The following RBPMS variants were observed in gnomAD, a reference collection of about 807,000 sequenced individuals.
RBPMS encodes RNA binding protein, mRNA processing factor.
A neutral mutation model predicts 26.8 loss-of-function variants in RBPMS; 7 were observed. The ratio of observed to expected loss-of-function variants is 0.26; its 90% CI spans 0.15 to 0.49. The LOEUF (loss-of-function observed/expected upper bound fraction) is 0.49, where lower values mean the gene tolerates loss of function less well. Ranked by LOEUF, RBPMS falls within the 20% of genes least tolerant of loss-of-function variation. The pLI is 0.98. For missense variants in RBPMS, 186 were observed against 250.0 expected (o/e 0.74, Z 1.73); for synonymous variants, 96 against 93.3 (o/e 1.03, Z -0.17).
At chr8:30,527,742 T>C (rs1823743797) in intron 5 of RBPMS, among the ~76,000 whole-genome samples, 1 of 151,568 alleles carries the variant, frequency 6.6e-6, no homozygotes, top group African/African-American at 2.4e-5. Context: ...GAAAGAGGAG[T>C]GTCTGTGAGA....
chr8:30,514,534 G>A (rs1822078944), intron 5 of RBPMS, among the ~76,000 whole-genome samples: 1 of 151,834 alleles, frequency 6.6e-6, no homozygotes, highest in Admixed American at 6.6e-5. Context: ...ACAGATTGGT[G>A]GTGATGTTAA....
At chr8:30,416,126 T>C (rs1014932637) in intron 1 of RBPMS, among the ~76,000 whole-genome samples, 1 of 152,178 alleles carries the variant, frequency 6.6e-6, no homozygotes, top group African/African-American at 2.4e-5. Flanking sequence ...GTTCCCTGTT[T>C]CTTCTTGGGT....
intron 7 of RBPMS, among the ~76,000 whole-genome samples, chr8:30,560,847 C>T (rs1043184653): frequency 1.5e-4 from 23 of 152,188 alleles, no homozygotes; most frequent in African/African-American, 5.3e-4. Flanking sequence ...CATATCCTAA[C>T]CTCTTAGCCA....
chr8:30,514,145 C>T (rs981035984), intron 5 of RBPMS, among the ~76,000 whole-genome samples: 1 of 151,954 alleles, frequency 6.6e-6, no homozygotes, highest in Non-Finnish European at 1.5e-5. Flanking sequence ...CATCCTCACT[C>T]CTGCACACTT....
At chr8:30,464,425 C>T (rs994025116) in intron 1 of RBPMS, among the ~76,000 whole-genome samples, 9 of 152,142 alleles carry the variant, frequency 5.9e-5, no homozygotes, top group Non-Finnish European at 1.0e-4. Context: ...CCTCCCCCCA[C>T]CCCAGCTTTC....
At chr8:30,454,823 TGTTTG>T (rs1302188375) in intron 1 of RBPMS, among the ~76,000 whole-genome samples, 2 of 152,192 alleles carry the variant, frequency 1.3e-5, no homozygotes, top group Non-Finnish European at 2.9e-5. Context: ...TCTTTTTGTT[TGTTTG>T]GTTTGTTTTT....
intron 5 of RBPMS, among the ~76,000 whole-genome samples, chr8:30,516,868 C>T (rs73245326): frequency 0.24 from 36,543 of 150,720 alleles, 4,774 homozygotes; most frequent in East Asian, 0.39. Flanking sequence ...CACTGCACTC[C>T]AGCCTGGCCA....
intron 4 of RBPMS, among the ~76,000 whole-genome samples, chr8:30,481,305 GTT>G (rs1818245051): frequency 6.6e-6 from 1 of 151,336 alleles, no homozygotes; most frequent in Non-Finnish European, 1.5e-5. Flanking sequence ...TTGTTTTAAT[GTT>G]TAAATGATAA....
At chr8:30,555,891 C>G in intron 6 of RBPMS, 1 of 985,416 alleles carries the variant, frequency 1.0e-6, no homozygotes, top group Non-Finnish European at 1.2e-6. Context: ...CAGTGATTAG[C>G]GCGGAGCAGC....
intron 1 of RBPMS, chr8:30,385,475 C>T (rs1220173464): frequency 7.8e-6 from 2 of 256,592 alleles, no homozygotes; most frequent in Non-Finnish European, 1.5e-5. Context: ...ATAATCGGGA[C>T]TCGGAGGGTC....
chr8:30,425,968 G>A (rs1428137839), intron 1 of RBPMS, among the ~76,000 whole-genome samples: 1 of 152,154 alleles, frequency 6.6e-6, no homozygotes, highest in Non-Finnish European at 1.5e-5. Flanking sequence ...TATCGATGGT[G>A]TTGTTCTTAA....
Position 30,542,087 on chromosome 8 carries a change from C to G in RBPMS, c.398-2407C>G, listed in dbSNP as rs183740257. On this transcript the variant is annotated intron_variant, in intron 5 of 8. Coordinates refer to ENST00000397323, the MANE Select transcript of RBPMS (RefSeq NM_001008710.3). ...GGGAGACGGAGATGATAAGATGTATCAAGGGATTTATCAAGTGTAAGTTCA... is the reference window on the plus strand; with the variant it reads ...GGGAGACGGAGATGATAAGATGTATGAAGGGATTTATCAAGTGTAAGTTCA... 5.9e-5 allele frequency among the ~76,000 whole-genome samples: 9 copies of G among 152,272 alleles called. No individual in the cohort carries two copies. In the East Asian group the frequency reaches 9.7e-4, roughly 16 times the overall value.
intron 1 of RBPMS, chr8:30,445,093 T>A (rs1198787821): frequency 1.3e-5 from 2 of 152,200 alleles, no homozygotes; most frequent in African/African-American, 2.4e-5. Context: ...TATATTACAT[T>A]TGGCCTGAAA....
At chr8:30,480,623 A>G (rs1434622940) in intron 4 of RBPMS, among the ~76,000 whole-genome samples, 1 of 152,038 alleles carries the variant, frequency 6.6e-6, no homozygotes, top group Non-Finnish European at 1.5e-5. Context: ...CTGCCTACTC[A>G]CTCTGTTCCT....
rs1462850810 is a variant in RBPMS at position 30,571,027 on chromosome 8, A to T, written c.*502A>T. The T allele has an allele frequency of 1.3e-5, 2 of 152,162 alleles. No homozygotes were observed. The highest frequency in any genetic ancestry group is 4.8e-5 in the African/African-American group (2 of 41,408). The allele number at this position is 152,162 out of a possible 1,614,324, so 9.4% of individuals were successfully genotyped here. A position where few individuals can be genotyped will look rare whatever the true frequency, so the allele number is the denominator to read the frequency against. On this transcript the variant is annotated 3_prime_UTR_variant, in exon 9 of 9. Coordinates refer to ENST00000397323, the MANE Select transcript of RBPMS (RefSeq NM_001008710.3). ...TTGCATGTTTGAGGCATGTTTCCAA[A>T]TATTATCAAAATATCCTGAATTGTA...
At chr8:30,550,071 C>T (rs964650662) in intron 6 of RBPMS, among the ~76,000 whole-genome samples, 4 of 152,172 alleles carry the variant, frequency 2.6e-5, no homozygotes, top group East Asian at 3.9e-4. Flanking sequence ...AGGATGGTCT[C>T]GATCTCATGA....
chr8:30,552,101 T>A (rs945505277), intron 6 of RBPMS, among the ~76,000 whole-genome samples: 1 of 152,062 alleles, frequency 6.6e-6, no homozygotes, highest in Non-Finnish European at 1.5e-5. Flanking sequence ...GGCCTGGGCT[T>A]TTTGCTTTGG....
At chr8:30,508,868 A>G (rs1193711013) in intron 5 of RBPMS, among the ~76,000 whole-genome samples, 1 of 152,182 alleles carries the variant, frequency 6.6e-6, no homozygotes, top group Non-Finnish European at 1.5e-5. Context: ...ACTCTTTGCA[A>G]TATACCTTAT....
intron 1 of RBPMS, among the ~76,000 whole-genome samples, chr8:30,468,595 G>A (rs931812821): frequency 6.6e-5 from 10 of 152,114 alleles, no homozygotes; most frequent in African/African-American, 1.9e-4. Flanking sequence ...CATGGATACA[G>A]GATTATGTAA....
Sources: gnomAD v4.1 joint callset for allele counts (sites outside exome capture counted in the v4.1 genomes callset) on GRCh38, gnomAD v4.1.1 for gene constraint, MANE v1.5 for transcripts, NCBI Gene and HGNC (gene_info 2026-07-23, HGNC 2026-07-21) for gene names.